FAM193A: variants seen among roughly 807,000 people sequenced by gnomAD.
The protein encoded by FAM193A is family with sequence similarity 193 member A.
In FAM193A, 22 loss-of-function variants were observed where a neutral mutation model predicts 126.5. The ratio of observed to expected loss-of-function variants is 0.17; its 90% CI spans 0.12 to 0.25. The LOEUF is 0.25. FAM193A is among the 10% of genes least tolerant of loss of function. FAM193A has a pLI of 1.00. For missense variants in FAM193A, 1,675 were observed against 1,672.8 expected, an observed-to-expected ratio of 1.00 and a Z score of -0.02; for synonymous variants, 761 against 646.8, an observed-to-expected ratio of 1.18 and a Z score of -2.68.
chr4:2,642,175 G>A (rs142756070), intron 6 of FAM193A, among the ~76,000 whole-genome samples: 3,207 of 150,798 alleles, frequency 0.021, 48 homozygotes, highest in South Asian at 0.035. Flanking sequence ...ATGGTGGCGG[G>A]CACCTGAAGT....
At chr4:2,687,211 C>T (rs757119621) in intron 13 of FAM193A, among the ~76,000 whole-genome samples, 4 of 152,088 alleles carry the variant, frequency 2.6e-5, no homozygotes, top group East Asian at 1.9e-4. Flanking sequence ...AAGGTTTGGT[C>T]GGTTGGTCAG....
chr4:2,609,057 A>AT (rs1296707022), intron 2 of FAM193A, among the ~76,000 whole-genome samples: 9 of 151,140 alleles, frequency 6.0e-5, no homozygotes, highest in South Asian at 4.2e-4. Flanking sequence ...CGGCTGGCTA[A>AT]TTTTTTTTGT....
chr4:2,713,221 A>G (rs1029721399), intron 19 of FAM193A, among the ~76,000 whole-genome samples: 3 of 151,686 alleles, frequency 2.0e-5, no homozygotes, highest in Non-Finnish European at 4.4e-5. Flanking sequence ...CCTGGCCAAC[A>G]TGGTGAAAAC....
In FAM193A at chr4:2,565,276, T is replaced by TTTTTTTTTTTTTTTTTTTTTA. The variant is rs71178481; in HGVS notation, c.255+28106_255+28107insTTTTTTTTTTTTTTTTTTTTA. On this transcript the variant is annotated intron_variant, in intron 1 of 20. Transcript: ENST00000637812. ...AGCCTTTTTTTTTTTTTTTTTTTTT[T>TTTTTTTTTTTTTTTTTTTTTA]AAAAGATGCAGTCTCCCTCTGTCGC... is the stretch of plus-strand genomic sequence containing the variant. 4.2e-5 allele frequency among the ~76,000 whole-genome samples: 2 copies of TTTTTTTTTTTTTTTTTTTTTA among 47,886 alleles called. 1 individual carries two copies. The highest frequency in any genetic ancestry group is 1.6e-4 in the African/African-American group (2 of 12,348). The allele number at this position is 47,886 out of a possible 152,430, so 31.4% of individuals were successfully genotyped here. A position where few individuals can be genotyped will look rare whatever the true frequency, so the allele number is the denominator to read the frequency against.
At chr4:2,557,257 A>G (rs1738314734) in intron 1 of FAM193A, among the ~76,000 whole-genome samples, 1 of 152,154 alleles carries the variant, frequency 6.6e-6, no homozygotes, top group South Asian at 2.1e-4. Context: ...TTTGAACCAC[A>G]GTTGATCACA....
chr4:2,685,117 C>T (rs1000645282), intron 13 of FAM193A, among the ~76,000 whole-genome samples: 1 of 152,162 alleles, frequency 6.6e-6, no homozygotes, highest in Non-Finnish European at 1.5e-5. Context: ...ACAGGGATGT[C>T]TCTAAGTCTC....
intron 13 of FAM193A, among the ~76,000 whole-genome samples, chr4:2,676,270 C>A (rs965984437): frequency 3.3e-5 from 5 of 152,230 alleles, no homozygotes; most frequent in African/African-American, 1.2e-4. Flanking sequence ...TTCTCCACAT[C>A]CTCATTAACA....
At chr4:2,662,098 G>A (rs1047821655) in intron 10 of FAM193A, among the ~76,000 whole-genome samples, 9 of 152,136 alleles carry the variant, frequency 5.9e-5, no homozygotes, top group Non-Finnish European at 1.0e-4. Context: ...CAGGGGAATG[G>A]CGTGAACCTG....
chr4:2,719,772 C>G (rs1719918994), intron 20 of FAM193A, among the ~76,000 whole-genome samples: 1 of 61,222 alleles, frequency 1.6e-5, no homozygotes, highest in Non-Finnish European at 4.3e-5. Flanking sequence ...TCCTTCCTTC[C>G]TCCCTCCCTC....
intron 2 of FAM193A, among the ~76,000 whole-genome samples, chr4:2,610,856 G>T (rs896156710): frequency 6.6e-6 from 1 of 151,920 alleles, no homozygotes; most frequent in African/African-American, 2.4e-5. Flanking sequence ...TCCTGCCTCA[G>T]TCTCCCAAGT....
At position 2,700,541 on chromosome 4, in the gene FAM193A, A is replaced by G. The variant is rs1399791015; in HGVS notation, c.4369A>G (p.Ile1457Val). ...GAAAGGAGACAGAGTCAACAATTCA[A>G]TTGGTAAATACAGAATAGCGGGAAG... is the stretch of plus-strand genomic sequence containing the variant. ...KKKGDRVNNS[I>V]DDVFLPKDID... is the part of the protein sequence containing the mutation. The change falls in exon 19 of 21, where the codon ATT becomes GTT. Residue 1457 changes from isoleucine to valine, a missense_variant. Ile to Val is a conservative substitution (Grantham distance 29, BLOSUM62 3). Coordinates refer to ENST00000637812, the MANE Select transcript of FAM193A (RefSeq NM_001366318.2). 6 of 1,610,764 alleles carry G rather than the reference A, an allele frequency of 3.7e-6. No individual in the cohort carries two copies. The highest frequency in any genetic ancestry group is 1.7e-5 in the Admixed American group (1 of 59,096).
At chr4:2,552,085 C>T (rs1173997704) in intron 1 of FAM193A, among the ~76,000 whole-genome samples, 2 of 148,654 alleles carry the variant, frequency 1.3e-5, no homozygotes, top group East Asian at 4.0e-4. Context: ...GATCTCGGCT[C>T]ACTGCAAGCT....
At chr4:2,719,912 C>T in intron 20 of FAM193A, 1 of 249,830 alleles carries the variant, frequency 4.0e-6, no homozygotes, top group South Asian at 3.4e-5. Flanking sequence ...CACCTCAGCC[C>T]TCCAAGTAGC....
At chr4:2,710,832 T>A (rs1455375030) in intron 19 of FAM193A, among the ~76,000 whole-genome samples, 1 of 149,374 alleles carries the variant, frequency 6.7e-6, no homozygotes, top group Non-Finnish European at 1.5e-5. Flanking sequence ...CTTTCGTCTT[T>A]ATTTTCTTTC....
chr4:2,710,598 G>A (rs1241180741), intron 19 of FAM193A, among the ~76,000 whole-genome samples: 2 of 151,214 alleles, frequency 1.3e-5, no homozygotes, highest in Admixed American at 1.3e-4. Context: ...ACTTCCCTGG[G>A]CTCGGGTGAT....
At chr4:2,597,740 A>G (rs972360003) in intron 2 of FAM193A, among the ~76,000 whole-genome samples, 2 of 152,118 alleles carry the variant, frequency 1.3e-5, no homozygotes, top group African/African-American at 4.8e-5. Context: ...GCTGGCCTTT[A>G]AAAAAATAAC....
At chr4:2,644,964 G>A (rs1213978711) in intron 6 of FAM193A, among the ~76,000 whole-genome samples, 1 of 151,826 alleles carries the variant, frequency 6.6e-6, no homozygotes, top group African/African-American at 2.4e-5. Context: ...TTTTAAACAT[G>A]CTGTAGTCAT....
chr4:2,623,682 C>T (rs1263432784), intron 2 of FAM193A, among the ~76,000 whole-genome samples: 1 of 152,132 alleles, frequency 6.6e-6, no homozygotes, highest in Non-Finnish European at 1.5e-5. Flanking sequence ...CCAGGGTGAG[C>T]CCCAGGCTCC....
At chr4:2,719,771 C>T (rs1719917217) in intron 20 of FAM193A, among the ~76,000 whole-genome samples, 1 of 54,676 alleles carries the variant, frequency 1.8e-5, no homozygotes, top group South Asian at 9.2e-4. Flanking sequence ...CTCCTTCCTT[C>T]CTCCCTCCCT....
Sources: allele counts gnomAD v4.1 joint callset (sites outside exome capture counted in the v4.1 genomes callset), GRCh38; gene constraint gnomAD v4.1.1; transcripts MANE v1.5; gene names NCBI Gene and HGNC (gene_info 2026-07-23, HGNC 2026-07-21).